The following DOP1A variants were observed in gnomAD, a reference collection of about 807,000 sequenced individuals.
DOP1A encodes the protein DOP1 leucine zipper like protein A.
DOP1A carries 90 observed loss-of-function variants against 267.6 expected under a neutral mutation model. The observed-to-expected ratio is 0.34, with a 90% CI of 0.28 to 0.40. The LOEUF (loss-of-function observed/expected upper bound fraction) is 0.40, where lower values mean the gene tolerates loss of function less well. Among genes scored for constraint, DOP1A ranks in the 10% least tolerant of loss-of-function variants. The pLI is 1.00. For missense variants in DOP1A, 2,437 were observed against 2,900.4 expected (o/e 0.84, Z 3.67); for synonymous variants, 932 against 999.1 (o/e 0.93, Z 1.27).
chr6:83,086,259 A>G (rs1769215338), intron 1 of DOP1A, among the ~76,000 whole-genome samples: 1 of 152,234 alleles, frequency 6.6e-6, no homozygotes, highest in African/African-American at 2.4e-5. Flanking sequence ...TTATATGTAT[A>G]ATATGCTGTA....
At position 83,151,564 on chromosome 6, in the gene DOP1A, C is replaced by A. The variant is rs377220927; in HGVS notation, c.5838-29C>A. On this transcript the variant is annotated intron_variant, in intron 27 of 38. Transcript: ENST00000349129. ...TAGTTTCTTTTAGCCTGATATTTCC[C>A]GTTTCTGTTTTCTCTTTGGCCCTTT... 4 of 1,560,576 alleles carry A rather than the reference C, an allele frequency of 2.6e-6. No homozygotes were observed. The Admixed American group carries it at 6.0e-5, about 23-fold the overall frequency.
intron 11 of DOP1A, 36 bp downstream of exon 11, chr6:83,122,086 A>C (rs1776454291): frequency 6.2e-7 from 1 of 1,603,084 alleles, no homozygotes; most frequent in South Asian, 1.1e-5. Context: ...ACATGAAGAC[A>C]TAATATGTAT....
At chr6:83,103,038 T>C (rs141365297) in intron 4 of DOP1A, among the ~76,000 whole-genome samples, 201 of 152,350 alleles carry the variant, frequency 1.3e-3, no homozygotes, top group African/African-American at 4.7e-3. Context: ...ATGGCCCTTC[T>C]TCCACATTTT....
intron 1 of DOP1A, among the ~76,000 whole-genome samples, chr6:83,094,008 T>C (rs1770983884): frequency 6.6e-6 from 1 of 152,204 alleles, no homozygotes. Context: ...AAAACATTTT[T>C]GTCACCCCAA....
chr6:83,093,189 T>C (rs1562285255), intron 1 of DOP1A, among the ~76,000 whole-genome samples: 1 of 152,258 alleles, frequency 6.6e-6, no homozygotes, highest in Admixed American at 6.5e-5. Flanking sequence ...GGATGTTCTC[T>C]CTAGTCAGCA....
At chr6:83,162,254 T>C (rs1784408287) in intron 37 of DOP1A, among the ~76,000 whole-genome samples, 1 of 152,100 alleles carries the variant, frequency 6.6e-6, no homozygotes, top group African/African-American at 2.4e-5. Flanking sequence ...GATATTACTT[T>C]TACTTACTTA....
At chr6:83,079,387 A>C (rs952267138) in intron 1 of DOP1A, among the ~76,000 whole-genome samples, 2 of 151,930 alleles carry the variant, frequency 1.3e-5, no homozygotes. Flanking sequence ...ATTCCATGGG[A>C]TTTTTTTTAA....
Position 83,137,649 on chromosome 6 carries a change from C to T in DOP1A, c.3607C>T (p.Gln1203Ter). The change falls in exon 21 of 39, where the codon CAG becomes TAG. Residue 1203 changes from glutamine to a stop codon, truncating the protein, a stop_gained. Coordinates refer to ENST00000349129, the MANE Select transcript of DOP1A (RefSeq NM_015018.4). LOFTEE classifies it high-confidence loss of function. Reference protein sequence around the residue: ...TIKIEDDSIQQSQNALLSNES... With the variant: ...TIKIEDDSIQ The stretch of plus-strand genomic sequence containing the variant: ...TAAAATTGAAGATGACTCCATTCAA[C>T]AGAGTCAGAATGCTTTGCTGAGTAA... 6.2e-7 allele frequency: 1 copy of T among 1,613,782 alleles called. No individual in the cohort carries two copies. The highest frequency in any genetic ancestry group is 1.3e-5 in the African/African-American group (1 of 75,012).
chr6:83,160,393 G>A (rs898520470), intron 37 of DOP1A, among the ~76,000 whole-genome samples: 4 of 152,232 alleles, frequency 2.6e-5, no homozygotes, highest in South Asian at 2.1e-4. Context: ...GACATGATAC[G>A]TCTGAAGTGT....
intron 1 of DOP1A, among the ~76,000 whole-genome samples, chr6:83,090,491 T>C (rs1328891703): frequency 6.6e-6 from 1 of 152,214 alleles, no homozygotes; most frequent in East Asian, 1.9e-4. Context: ...GTATAAAGTT[T>C]GATACACTAT....
chr6:83,090,586 A>T (rs1330868599), intron 1 of DOP1A, among the ~76,000 whole-genome samples: 1 of 152,222 alleles, frequency 6.6e-6, no homozygotes, highest in Non-Finnish European at 1.5e-5. Context: ...GACATGGTGA[A>T]ATAAGCACAG....
At chr6:83,145,070 T>C (rs916874523) in intron 24 of DOP1A, among the ~76,000 whole-genome samples, 1 of 134,794 alleles carries the variant, frequency 7.4e-6, no homozygotes, top group Non-Finnish European at 1.5e-5. Context: ...GCCACTGCAC[T>C]CCAGCCTTGG....
intron 25 of DOP1A, among the ~76,000 whole-genome samples, chr6:83,146,683 C>T (rs1284385826): frequency 1.3e-5 from 2 of 152,144 alleles, no homozygotes; most frequent in Non-Finnish European, 2.9e-5. Flanking sequence ...TGATAAACGT[C>T]AGTGGTCATC....
In DOP1A at chr6:83,100,740, C is replaced by G; in HGVS notation, c.174C>G (p.Pro58=). The G allele has an allele frequency of 6.5e-7, 1 of 1,542,122 alleles. No individual in the cohort carries two copies. The highest frequency in any genetic ancestry group is 8.7e-7 in the Non-Finnish European group (1 of 1,144,312). The change falls in exon 4 of 39, where the codon CCC becomes CCG. Residue 58 remains proline (P), a synonymous_variant. Coordinates refer to ENST00000349129, the MANE Select transcript of DOP1A (RefSeq NM_015018.4). ...ATAATGCAAAGTACCAAGTAGTACCCAAAAAGCTGACCATAGGCAAACGCC... is the reference window on the plus strand; with the variant it reads ...ATAATGCAAAGTACCAAGTAGTACCGAAAAAGCTGACCATAGGCAAACGCC... The part of the protein sequence containing the change: ...LQNNAKYQVV[P]KKLTIGKRLA...
chr6:83,156,371 A>C (rs1782790660), intron 34 of DOP1A, among the ~76,000 whole-genome samples: 1 of 152,198 alleles, frequency 6.6e-6, no homozygotes, highest in South Asian at 2.1e-4. Context: ...GAGGTATAAG[A>C]TGATTTTGCT....
intron 36 of DOP1A, among the ~76,000 whole-genome samples, chr6:83,158,971 T>C (rs1039893507): frequency 6.6e-6 from 1 of 152,222 alleles, no homozygotes; most frequent in African/African-American, 2.4e-5. Flanking sequence ...AACCAGGCTA[T>C]TCGTATATGC....
chr6:83,072,075 T>C (rs12524761), intron 1 of DOP1A, among the ~76,000 whole-genome samples: 8,574 of 152,272 alleles, frequency 0.056, 324 homozygotes, highest in Non-Finnish European at 0.09. Context: ...CGAAGACATT[T>C]CTAGACTTTT....
intron 34 of DOP1A, among the ~76,000 whole-genome samples, chr6:83,156,741 T>C (rs1398641307): frequency 1.3e-5 from 2 of 152,220 alleles, no homozygotes; most frequent in East Asian, 3.9e-4. Context: ...GGGAGAATTT[T>C]CTTTTCTCCC....
At chr6:83,069,884 A>T (rs1785313087) in intron 1 of DOP1A, among the ~76,000 whole-genome samples, 1 of 152,176 alleles carries the variant, frequency 6.6e-6, no homozygotes, top group Non-Finnish European at 1.5e-5. Flanking sequence ...CATTCCTAAA[A>T]TGAAATTATG....
Sources: allele counts gnomAD v4.1 joint callset (sites outside exome capture counted in the v4.1 genomes callset), GRCh38; gene constraint gnomAD v4.1.1; transcripts MANE v1.5; gene names NCBI Gene and HGNC (gene_info 2026-07-23, HGNC 2026-07-21).